Variants in LMCD1 observed in about 807,000 individuals in gnomAD.
The protein encoded by LMCD1 is LIM and cysteine-rich domains protein 1.
In LMCD1, 32 loss-of-function variants were observed where a neutral mutation model predicts 42.7. The observed-to-expected ratio is 0.75, with a 90% confidence interval of 0.57 to 1.01. The LOEUF (loss-of-function observed/expected upper bound fraction) is 1.01. Among genes scored for constraint, LMCD1 ranks in the 50% least tolerant of loss-of-function variants. The probability of loss-of-function intolerance (pLI) is 0.00; values close to 1 mark genes in which losing one functional copy is unlikely to be tolerated. For missense variants in LMCD1, 458 were observed against 483.1 expected, an observed-to-expected ratio of 0.95 and a Z score of 0.49; for synonymous variants, 178 against 184.9, an observed-to-expected ratio of 0.96 and a Z score of 0.30.
chr3:8,518,068 G>A (rs1450156470), intron 1 of LMCD1, among the ~76,000 whole-genome samples: 1 of 151,944 alleles, frequency 6.6e-6, no homozygotes, highest in African/African-American at 2.4e-5. Context: ...AAAAAACAAG[G>A]TTCAGAGAAC....
intron 1 of LMCD1, among the ~76,000 whole-genome samples, chr3:8,509,325 C>T (rs1693948755): frequency 6.6e-6 from 1 of 152,174 alleles, no homozygotes; most frequent in African/African-American, 2.4e-5. Flanking sequence ...CATAAATATA[C>T]TCAGGCCACA....
chr3:8,564,102 T>C (rs1695087857), intron 4 of LMCD1, among the ~76,000 whole-genome samples: 1 of 152,236 alleles, frequency 6.6e-6, no homozygotes. Flanking sequence ...GAATAAAGTT[T>C]GGACTTTAGT....
chr3:8,561,677 A>C (rs910086495), intron 4 of LMCD1, among the ~76,000 whole-genome samples: 1 of 152,222 alleles, frequency 6.6e-6, no homozygotes, highest in Non-Finnish European at 1.5e-5. Context: ...CAAATCACTG[A>C]ATCTCCCTGA....
Position 8,559,062 on chromosome 3 carries a change from C to CCTCCA in LMCD1, c.724-6369_724-6365dup, listed in dbSNP as rs142451118. ...GGATCAGATATGGGGAGGAGCAGGCCCTCCAAGCAGGGGATGAGTGGAGCT... is the reference window on the plus strand; with the variant it reads ...GGATCAGATATGGGGAGGAGCAGGCCCTCCACTCCAAGCAGGGGATGAGTGGAGCT... On this transcript the variant is annotated intron_variant, in intron 4 of 5. Transcript: ENST00000157600. Among the ~76,000 whole-genome samples the CCTCCA allele has an allele frequency of 8.5e-3, 1,293 of 152,104 alleles. 13 individuals carry two copies. The highest frequency in any genetic ancestry group is 0.023 in the East Asian group (117 of 5,168).
intron 3 of LMCD1, among the ~76,000 whole-genome samples, chr3:8,538,355 G>A (rs528383391): frequency 6.6e-6 from 1 of 152,308 alleles, no homozygotes; most frequent in Admixed American, 6.5e-5. Flanking sequence ...GGAGTAACAA[G>A]AGGCTGGATG....
intron 1 of LMCD1, among the ~76,000 whole-genome samples, chr3:8,529,738 G>GA (rs938126146): frequency 4.6e-5 from 7 of 152,088 alleles, no homozygotes; most frequent in South Asian, 2.1e-4. Context: ...TGTGTATTTA[G>GA]AAAAAATAGT....
chr3:8,510,387 T>C (rs1462012992), intron 1 of LMCD1, among the ~76,000 whole-genome samples: 3 of 152,192 alleles, frequency 2.0e-5, no homozygotes, highest in African/African-American at 7.2e-5. Context: ...CTTCTTATTT[T>C]AGAGGAAGTA....
chr3:8,540,360 A>C (rs147094824), intron 3 of LMCD1, among the ~76,000 whole-genome samples: 7 of 152,388 alleles, frequency 4.6e-5, no homozygotes, highest in Non-Finnish European at 8.8e-5. Context: ...ACTAGCCACC[A>C]TACTAGGAGC....
chr3:8,542,696 A>C (rs1351859886), intron 3 of LMCD1, among the ~76,000 whole-genome samples: 1 of 152,198 alleles, frequency 6.6e-6, no homozygotes, highest in Non-Finnish European at 1.5e-5. Context: ...CGTCTTCTAG[A>C]GAGGCAGCAG....
At chr3:8,558,831 C>A (rs982555653) in intron 4 of LMCD1, among the ~76,000 whole-genome samples, 3 of 152,148 alleles carry the variant, frequency 2.0e-5, no homozygotes, top group Non-Finnish European at 4.4e-5. Context: ...TATTTTTAAA[C>A]AGTCTATAAC....
At chr3:8,527,711 C>A (rs56886252) in intron 1 of LMCD1, among the ~76,000 whole-genome samples, 1 of 152,144 alleles carries the variant, frequency 6.6e-6, no homozygotes, top group African/African-American at 2.4e-5. Flanking sequence ...CAATTTGGAA[C>A]GCACCACCTC....
chr3:8,532,618 C>T (rs1694433476), intron 1 of LMCD1, 119 bp from the exon 2 acceptor site: 1 of 784,310 alleles, frequency 1.3e-6, no homozygotes, highest in African/African-American at 1.7e-5. Context: ...GCTTATTGAT[C>T]TCAAGCCCTT....
chr3:8,514,447 T>C (rs1449148695), intron 1 of LMCD1, among the ~76,000 whole-genome samples: 1 of 152,186 alleles, frequency 6.6e-6, no homozygotes. Context: ...TGGAAAGCTG[T>C]CTGGTAGTAT....
In LMCD1 at chr3:8,537,164, TC is replaced by T. The variant is rs754921977; in HGVS notation, c.132-17del. ...TTTTCCTGGAGGTTAATCTCACTGGTCCCCATCCACCCACCCCCAGGAAAAT... is the reference window on the plus strand; with the variant it reads ...TTTTCCTGGAGGTTAATCTCACTGGTCCCATCCACCCACCCCCAGGAAAAT... On this transcript the variant is annotated intron_variant, in intron 2 of 5. Transcript: ENST00000157600. 2.3e-4 allele frequency: 374 copies of T among 1,610,752 alleles called. No homozygotes were observed. Among genetic ancestry groups the T allele is most frequent in the Non-Finnish European group, 2.9e-4 (345 of 1,177,602 alleles).
intron 4 of LMCD1, among the ~76,000 whole-genome samples, chr3:8,556,971 G>A (rs1008240059): frequency 6.6e-6 from 1 of 152,202 alleles, no homozygotes; most frequent in African/African-American, 2.4e-5. Context: ...CCAACACCAG[G>A]CTAAGGCATT....
intron 4 of LMCD1, among the ~76,000 whole-genome samples, chr3:8,559,707 G>GACC (rs1694995747): frequency 6.6e-6 from 1 of 152,204 alleles, no homozygotes; most frequent in Non-Finnish European, 1.5e-5. Flanking sequence ...GTGGCTGAGG[G>GACC]ACCACCAGAC....
At position 8,573,297 on chromosome 3, in the gene LMCD1, A is replaced by G. The variant is rs181063840; in HGVS notation, c.*5699A>G. ...AAATTGCATATGTTTATGGTCTATA[A>G]CATGGTGTTTCGATATATGTATACA... is the stretch of plus-strand genomic sequence containing the variant. On this transcript the variant is annotated 3_prime_UTR_variant, in exon 6 of 6. Transcript: ENST00000157600. 1 of 152,338 alleles carries G rather than the reference A, an allele frequency of 6.6e-6. No individual in the cohort carries two copies. The highest frequency in any genetic ancestry group is 2.4e-5 in the African/African-American group (1 of 41,576). The allele number at this position is 152,338 out of a possible 1,614,324, so 9.4% of individuals were successfully genotyped here.
intron 4 of LMCD1, among the ~76,000 whole-genome samples, chr3:8,553,310 G>A (rs1187594311): frequency 1.3e-5 from 2 of 152,312 alleles, no homozygotes; most frequent in East Asian, 3.9e-4. Context: ...GCCTATTGGA[G>A]CAATGGCAGG....
rs182028711 is a variant in LMCD1 at position 8,532,406 on chromosome 3, G to A, written c.43-331G>A. Among the ~76,000 whole-genome samples, 161 of 152,248 alleles carry A rather than the reference G, an allele frequency of 1.1e-3. 1 individual carries two copies. Among genetic ancestry groups the A allele is most frequent in the East Asian group, 3.9e-3 (20 of 5,170 alleles). On this transcript the variant is annotated intron_variant, in intron 1 of 5. Transcript: ENST00000157600. ...GTGACAAGTGAGAGTGGGTGAGGGTGGGGGATGGAATAGATAGATGGTCAC... is the reference window on the plus strand; with the variant it reads ...GTGACAAGTGAGAGTGGGTGAGGGTAGGGGATGGAATAGATAGATGGTCAC...
Sources: allele counts gnomAD v4.1 joint callset (sites outside exome capture counted in the v4.1 genomes callset), GRCh38; gene constraint gnomAD v4.1.1; transcripts MANE v1.5; gene names NCBI Gene and HGNC (gene_info 2026-07-23, HGNC 2026-07-21).